Variants in KCNN1 observed in about 807,000 individuals in gnomAD.
KCNN1 encodes potassium calcium-activated channel subfamily N member 1.
KCNN1 carries 20 observed loss-of-function variants against 44.7 expected under a neutral mutation model. That is an observed-to-expected ratio of 0.45 (90% CI 0.32 to 0.65). The LOEUF (loss-of-function observed/expected upper bound fraction) is 0.65, where lower values mean the gene tolerates loss of function less well. KCNN1 is among the 30% of genes least tolerant of loss of function. The pLI, the probability that KCNN1 is intolerant of heterozygous loss-of-function variation, is 0.05. For synonymous variants in KCNN1, 324 were observed against 341.7 expected, an observed-to-expected ratio of 0.95 and a Z score of 0.57; for missense variants, 632 against 785.3, an observed-to-expected ratio of 0.80 and a Z score of 2.33.
intron 3 of KCNN1, among the ~76,000 whole-genome samples, chr19:17,978,850 T>G (rs1228361939): frequency 6.8e-6 from 1 of 146,380 alleles, no homozygotes; most frequent in Non-Finnish European, 1.5e-5. Flanking sequence ...AGCACAGGAG[T>G]TCGAGATCAG....
intron 6 of KCNN1, among the ~76,000 whole-genome samples, chr19:17,989,174 A>G (rs2032702916): frequency 6.6e-6 from 1 of 152,140 alleles, no homozygotes. Flanking sequence ...CATCTGCATC[A>G]TGGCCGGGCG....
intron 1 of KCNN1, among the ~76,000 whole-genome samples, chr19:17,968,420 G>T (rs988505616): frequency 6.6e-6 from 1 of 151,928 alleles, no homozygotes; most frequent in African/African-American, 2.4e-5. Flanking sequence ...CTCGTAGTGG[G>T]GGGGTGGGGG....
chr19:17,971,045 G>T (rs2032005686), intron 1 of KCNN1, among the ~76,000 whole-genome samples: 1 of 151,864 alleles, frequency 6.6e-6, no homozygotes, highest in Non-Finnish European at 1.5e-5. Flanking sequence ...CACCACACCT[G>T]GCTAATTTTT....
At position 17,974,612 on chromosome 19, in the gene KCNN1, C is replaced by T. The variant is rs759545276; in HGVS notation, c.402+322C>T. 6.6e-6 allele frequency among the ~76,000 whole-genome samples: 1 copy of T among 152,184 alleles called. No homozygotes were observed. Among genetic ancestry groups the T allele is most frequent in the Non-Finnish European group, 1.5e-5 (1 of 68,016 alleles). ...CTGGGGAGCAACAGAAGATCTTCCT[C>T]CCCTTCCGAGAGTGAGTGCGTCCAG... is the stretch of plus-strand genomic sequence containing the variant. On this transcript the variant is annotated intron_variant, in intron 2 of 9. Transcript: ENST00000684775. This position sits in a 1 kb window ranked among gnomAD's most constrained non-coding sequence, Gnocchi z 7.3.
intron 7 of KCNN1, among the ~76,000 whole-genome samples, chr19:17,992,799 G>C (rs942978059): frequency 1.3e-5 from 2 of 152,128 alleles, no homozygotes; most frequent in Non-Finnish European, 2.9e-5. Context: ...AGATGGTGTC[G>C]GCATAGTTTT....
At chr19:17,991,018 C>T (rs560407248) in intron 7 of KCNN1, among the ~76,000 whole-genome samples, 3 of 151,678 alleles carry the variant, frequency 2.0e-5, no homozygotes, top group Non-Finnish European at 2.9e-5. Flanking sequence ...ATTTAAATTC[C>T]TCAAATGACT....
rs1400716862 is a variant in KCNN1, at chr19:17,967,286, C to G, written c.-113C>G. On this transcript the variant is annotated 5_prime_UTR_variant, in exon 1 of 10. Coordinates refer to ENST00000684775, the MANE Select transcript of KCNN1 (RefSeq NM_001386974.1). The stretch of plus-strand genomic sequence containing the variant: ...CCGCGCGGGACCCTCTCCCCTCCAG[C>G]CTTGTCCGCCCGCTCGGGCCGAGCC... The G allele has an allele frequency of 2.0e-6, 2 of 985,376 alleles. No homozygotes were observed. Among genetic ancestry groups the G allele is most frequent in the African/African-American group, 3.5e-5 (2 of 57,208 alleles). The allele number at this position is 985,376 out of a possible 1,614,324, so 61.0% of individuals were successfully genotyped here.
chr19:17,963,169 C>T (rs565540626), upstream of KCNN1, among the ~76,000 whole-genome samples: 1 of 151,666 alleles, frequency 6.6e-6, no homozygotes, highest in East Asian at 1.9e-4. Flanking sequence ...CACCACGCCA[C>T]ACCCGGCTAA....
At chr19:17,978,229 T>G (rs1050792926) in intron 3 of KCNN1, among the ~76,000 whole-genome samples, 4 of 147,370 alleles carry the variant, frequency 2.7e-5, no homozygotes, top group Admixed American at 1.4e-4. Context: ...TGGGTTCAAG[T>G]CATTCTCCTG....
intron 1 of KCNN1, among the ~76,000 whole-genome samples, chr19:17,968,346 T>C (rs995094479): frequency 3.3e-5 from 5 of 150,718 alleles, no homozygotes; most frequent in Non-Finnish European, 7.4e-5. Flanking sequence ...ATCAATGGCA[T>C]GAAGCTCTTA....
intron 3 of KCNN1, among the ~76,000 whole-genome samples, chr19:17,979,745 G>A (rs1255891768): frequency 3.3e-5 from 5 of 152,142 alleles, no homozygotes; most frequent in Non-Finnish European, 5.9e-5. Flanking sequence ...GCCGATGTGC[G>A]AGCGGAGGAG....
intron 9 of KCNN1, among the ~76,000 whole-genome samples, chr19:17,996,106 G>GA (rs1470588581): frequency 6.8e-6 from 1 of 147,592 alleles, no homozygotes; most frequent in Non-Finnish European, 1.5e-5. Context: ...GAGGAGGGGG[G>GA]ATCACTTGAG....
chr19:17,992,918 C>T (rs772942608), intron 7 of KCNN1, 136 bp from the exon 8 acceptor site: 21 of 1,093,854 alleles, frequency 1.9e-5, no homozygotes, highest in South Asian at 2.8e-5. Context: ...GGCAGCCCCT[C>T]GGCCATCTGG....
chr19:17,971,690 C>T (rs1281456231), intron 1 of KCNN1, among the ~76,000 whole-genome samples: 3 of 151,768 alleles, frequency 2.0e-5, no homozygotes, highest in Non-Finnish European at 4.4e-5. Flanking sequence ...TCTCGAACTC[C>T]TGACCTCAGA....
intron 5 of KCNN1, among the ~76,000 whole-genome samples, chr19:17,987,115 CTT>C (rs796678708): frequency 5.6e-5 from 8 of 141,706 alleles, no homozygotes; most frequent in Non-Finnish European, 1.1e-4. Context: ...CCCTTTTTTT[CTT>C]TTTTTTTTTT....
chr19:17,973,946 G>T lies in KCNN1; in HGVS notation c.58G>T (p.Ala20Ser). The T allele has an allele frequency of 6.4e-7, 1 of 1,558,284 alleles. No homozygotes were observed. The highest frequency in any genetic ancestry group is 1.2e-5 in the South Asian group (1 of 85,392). Residue 20 changes from alanine to serine, a missense_variant, in exon 2 of 10, where the codon GCC becomes TCC. This residue lies in a region of KCNN1 where 235 missense variants were observed against 224.0 expected (regional missense o/e 1.05). Coordinates refer to ENST00000684775, the MANE Select transcript of KCNN1 (RefSeq NM_001386974.1). ...VGRPLGSGPG[A>S]LGRDPPDPEA... is the part of the protein sequence containing the mutation. ...GCGGCCGCTGGGCAGCGGGCCGGGC[G>T]CCCTGGGACGAGACCCTCCGGACCC...
At chr19:17,965,674 T>C (rs116405496), upstream of KCNN1, among the ~76,000 whole-genome samples, 496 of 152,210 alleles carry the variant, frequency 3.3e-3, 3 homozygotes, top group African/African-American at 0.011. Flanking sequence ...CCACAACCCC[T>C]TTCTTGCTCT....
intron 2 of KCNN1, among the ~76,000 whole-genome samples, chr19:17,957,594 G>T (rs951032039): frequency 1.3e-5 from 2 of 152,234 alleles, no homozygotes; most frequent in South Asian, 2.1e-4. Flanking sequence ...CCTGAGGTGG[G>T]AATGAGCTTG....
upstream of KCNN1, among the ~76,000 whole-genome samples, chr19:17,965,898 G>A (rs981064527): frequency 1.3e-5 from 2 of 152,046 alleles, no homozygotes; most frequent in Admixed American, 6.6e-5. Flanking sequence ...GGCTCTCCAG[G>A]GGAGGGAACA....
Sources: gnomAD v4.1 joint callset for allele counts (sites outside exome capture counted in the v4.1 genomes callset) on GRCh38, gnomAD v4.1.1 for gene constraint, gnomAD v4.1.1 regional missense constraint, Gnocchi (gnomAD v3.1) non-coding constraint, MANE v1.5 for transcripts, NCBI Gene and HGNC (gene_info 2026-07-23, HGNC 2026-07-21) for gene names.